Variants in PPP2R2C observed in about 807,000 individuals in gnomAD.
PPP2R2C encodes the protein protein phosphatase 2, regulatory subunit B, gamma.
Under a neutral mutation model 45.3 loss-of-function variants are expected in PPP2R2C, and 10 were observed. The ratio of observed to expected loss-of-function variants is 0.22; its 90% CI spans 0.14 to 0.37. The LOEUF (loss-of-function observed/expected upper bound fraction) is 0.37. PPP2R2C is among the 10% of genes least tolerant of loss of function. The probability of loss-of-function intolerance (pLI) is 1.00; values close to 1 mark genes in which losing one functional copy is unlikely to be tolerated. For synonymous variants in PPP2R2C, 257 were observed against 245.4 expected, an observed-to-expected ratio of 1.05 and a Z score of -0.44; for missense variants, 308 against 619.7, an observed-to-expected ratio of 0.50 and a Z score of 5.34.
chr4:6,361,854 G>C (rs1274846134), intron 5 of PPP2R2C, among the ~76,000 whole-genome samples: 32 of 152,234 alleles, frequency 2.1e-4, no homozygotes, highest in Admixed American at 2.1e-3. Context: ...GCCTGGCAGG[G>C]AAGCAGATTT....
chr4:6,350,149 A>C lies in PPP2R2C; in HGVS notation c.626-2139T>G, dbSNP rs1482674957. 5 of 985,316 alleles carry C rather than the reference A, an allele frequency of 5.1e-6. No homozygotes were observed. In the African/African-American group the frequency reaches 7.0e-5, roughly 14 times the overall value. The allele number at this position is 985,316 out of a possible 1,614,324, so 61.0% of individuals were successfully genotyped here. A position where few individuals can be genotyped will look rare whatever the true frequency, so the allele number is the denominator to read the frequency against. On this transcript the variant is annotated intron_variant, in intron 5 of 8. Transcript: ENST00000382599. ...AACTACAGTTTTCCAGTATGAAAAG[A>C]AGCAGCGATTAAATAATGAAAAATG...
chr4:6,381,460 T>C, intron 1 of PPP2R2C: 1 of 1,368,910 alleles, frequency 7.3e-7, no homozygotes, highest in Non-Finnish European at 9.5e-7. Context: ...CACCTACCCC[T>C]GCCACCCAGG....
chr4:6,483,522 G>A (rs755187198), intron 2 of PPP2R2C, among the ~76,000 whole-genome samples: 3 of 151,898 alleles, frequency 2.0e-5, no homozygotes, highest in Non-Finnish European at 4.4e-5. Flanking sequence ...CATTACCCCC[G>A]TGACTAATGA....
intron 6 of PPP2R2C, among the ~76,000 whole-genome samples, chr4:6,346,428 C>T (rs1711937981): frequency 6.6e-6 from 1 of 152,266 alleles, no homozygotes; most frequent in African/African-American, 2.4e-5. Flanking sequence ...TCAGGGAGGC[C>T]CTCCCTGACC....
At position 6,331,057 on chromosome 4, in the gene PPP2R2C, T is replaced by C. The variant is rs537649752; in HGVS notation, c.961-1704A>G. 6.6e-6 allele frequency among the ~76,000 whole-genome samples: 1 copy of C among 152,304 alleles called. No individual in the cohort carries two copies. The highest frequency in any genetic ancestry group is 1.9e-4 in the East Asian group (1 of 5,178). On this transcript the variant is annotated intron_variant, in intron 7 of 8. Coordinates refer to ENST00000382599, the MANE Select transcript of PPP2R2C (RefSeq NM_020416.4). This position sits in a 1 kb window ranked among gnomAD's most constrained non-coding sequence, Gnocchi z 5.9. ...GCACAGGGTACTGGCTCAGTATGTG[T>C]AACAACTAAAATCAAGGGGGATGAA...
chr4:6,403,671 T>C (rs1414963969), intron 1 of PPP2R2C, among the ~76,000 whole-genome samples: 1 of 152,128 alleles, frequency 6.6e-6, no homozygotes, highest in Non-Finnish European at 1.5e-5. Context: ...AAGACCAGCC[T>C]GGCCAACATG....
At chr4:6,341,971 G>A (rs537650456) in intron 6 of PPP2R2C, among the ~76,000 whole-genome samples, 2 of 152,046 alleles carry the variant, frequency 1.3e-5, no homozygotes, top group African/African-American at 2.4e-5. Context: ...TGAGAAGTGC[G>A]TATACAGTTG....
chr4:6,449,120 C>T (rs901161362), intron 1 of PPP2R2C, among the ~76,000 whole-genome samples: 1 of 152,204 alleles, frequency 6.6e-6, no homozygotes, highest in Non-Finnish European at 1.5e-5. Flanking sequence ...CACCCAACCA[C>T]ACCAAGTCCA....
intron 1 of PPP2R2C, among the ~76,000 whole-genome samples, chr4:6,556,326 T>G (rs1725398649): frequency 6.6e-6 from 1 of 152,150 alleles, no homozygotes; most frequent in Non-Finnish European, 1.5e-5. Context: ...ATTCACTCTC[T>G]CTGTCTGTCT....
chr4:6,367,333 G>A (rs1714412951), intron 5 of PPP2R2C, among the ~76,000 whole-genome samples: 1 of 152,140 alleles, frequency 6.6e-6, no homozygotes, highest in African/African-American at 2.4e-5. Flanking sequence ...AACCTCCAGT[G>A]GGCACGGAGG....
At chr4:6,370,940 A>G (rs758855533) in intron 5 of PPP2R2C, among the ~76,000 whole-genome samples, 3 of 152,126 alleles carry the variant, frequency 2.0e-5, no homozygotes, top group African/African-American at 7.2e-5. Flanking sequence ...CCTTCCTGGA[A>G]CCTTCCTGGC....
chr4:6,472,014 G>GTGGGGTGGGGTGGGA, intron 1 of PPP2R2C, 146 bp downstream of exon 1: 1 of 983,760 alleles, frequency 1.0e-6, no homozygotes. Context: ...ATGGGATGGG[G>GTGGGGTGGGGTGGGA]TGGGGTGGGG....
intron 1 of PPP2R2C, among the ~76,000 whole-genome samples, chr4:6,446,219 G>A (rs1005465139): frequency 1.6e-4 from 24 of 152,190 alleles, no homozygotes; most frequent in African/African-American, 5.5e-4. Context: ...ACTCGGAGCT[G>A]CCCCTGCAGC....
At chr4:6,384,443 A>T (rs575821589) in intron 1 of PPP2R2C, 1 of 984,342 alleles carries the variant, frequency 1.0e-6, no homozygotes, top group Non-Finnish European at 1.2e-6. Context: ...TCCTCTTTCA[A>T]CTTGTCCATA....
intron 1 of PPP2R2C, among the ~76,000 whole-genome samples, chr4:6,454,267 A>G (rs1279435347): frequency 6.6e-6 from 1 of 152,056 alleles, no homozygotes; most frequent in Non-Finnish European, 1.5e-5. Flanking sequence ...CTACCATGTA[A>G]CCTGGCCCTT....
At chr4:6,477,979 T>C (rs572431746) in intron 2 of PPP2R2C, among the ~76,000 whole-genome samples, 49 of 152,162 alleles carry the variant, frequency 3.2e-4, no homozygotes, top group African/African-American at 1.1e-3. Context: ...TTCAGATGTT[T>C]CCAGGCTCCC....
chr4:6,445,825 C>T (rs940843415), intron 1 of PPP2R2C, among the ~76,000 whole-genome samples: 11 of 151,280 alleles, frequency 7.3e-5, no homozygotes, highest in Non-Finnish European at 1.0e-4. Context: ...ATGTCTCACA[C>T]CAACATGATG....
chr4:6,416,689 C>G (rs759342457), intron 1 of PPP2R2C, among the ~76,000 whole-genome samples: 20 of 152,240 alleles, frequency 1.3e-4, no homozygotes, highest in Non-Finnish European at 2.9e-4. Flanking sequence ...AACACGCCCT[C>G]CAGCCCGGGA....
chr4:6,399,354 C>T (rs1161908544), intron 1 of PPP2R2C, among the ~76,000 whole-genome samples: 5 of 152,196 alleles, frequency 3.3e-5, no homozygotes, highest in African/African-American at 1.2e-4. Context: ...ACCCAGCAAG[C>T]TGCTAATTTA....
Sources: allele counts gnomAD v4.1 joint callset (sites outside exome capture counted in the v4.1 genomes callset), GRCh38; gene constraint gnomAD v4.1.1; non-coding constraint Gnocchi (gnomAD v3.1); transcripts MANE v1.5; gene names NCBI Gene and HGNC (gene_info 2026-07-23, HGNC 2026-07-21).